Variants in AUTS2 observed in about 807,000 individuals in gnomAD.
AUTS2 encodes activator of transcription and developmental regulator AUTS2.
Under a neutral mutation model 112.4 loss-of-function variants are expected in AUTS2, and 17 were observed. The ratio of observed to expected loss-of-function variants is 0.15; its 90% CI spans 0.10 to 0.23. The LOEUF is 0.23. Among genes scored for constraint, AUTS2 ranks in the 10% least tolerant of loss-of-function variants. The pLI, the probability that AUTS2 is intolerant of heterozygous loss-of-function variation, is 1.00. For synonymous variants in AUTS2, 751 were observed against 702.7 expected (o/e 1.07, Z -1.09); for missense variants, 1,510 against 1,701.6 (o/e 0.89, Z 1.98).
At chr7:70,518,418 C>G (rs1363139372) in intron 5 of AUTS2, among the ~76,000 whole-genome samples, 1 of 152,082 alleles carries the variant, frequency 6.6e-6, no homozygotes, top group African/African-American at 2.4e-5. Flanking sequence ...TGCGGTGGCT[C>G]ATGCCTGTAA....
chr7:70,245,169 T>TATATATATATATATATATAA (rs1317610996), intron 4 of AUTS2, among the ~76,000 whole-genome samples: 1 of 118,624 alleles, frequency 8.4e-6, no homozygotes, highest in African/African-American at 3.3e-5. Flanking sequence ...TATATATATA[T>TATATATATATATATATATAA]AAAAAATAAA....
At chr7:70,512,689 T>C (rs138548091) in intron 5 of AUTS2, among the ~76,000 whole-genome samples, 3 of 152,142 alleles carry the variant, frequency 2.0e-5, no homozygotes, top group African/African-American at 7.2e-5. Context: ...AGCATGGAAA[T>C]TGGAATTCTT....
intron 6 of AUTS2, among the ~76,000 whole-genome samples, chr7:70,745,073 C>A (rs541053843): frequency 6.6e-5 from 10 of 151,936 alleles, no homozygotes; most frequent in Non-Finnish European, 1.3e-4. Context: ...TGACTCTTAC[C>A]CTCTGCATTT....
At chr7:70,450,871 G>A (rs1796503085) in intron 5 of AUTS2, among the ~76,000 whole-genome samples, 1 of 152,132 alleles carries the variant, frequency 6.6e-6, no homozygotes, top group African/African-American at 2.4e-5. Context: ...GTCAAGGGAG[G>A]AATCGTGGAT....
chr7:70,522,914 G>A (rs1041220277), intron 5 of AUTS2, among the ~76,000 whole-genome samples: 8 of 152,176 alleles, frequency 5.3e-5, no homozygotes, highest in Non-Finnish European at 1.5e-5. Flanking sequence ...TCATGTAATT[G>A]CCACAACTGA....
At chr7:70,600,659 C>T (rs932676708) in intron 5 of AUTS2, among the ~76,000 whole-genome samples, 2 of 152,134 alleles carry the variant, frequency 1.3e-5, no homozygotes, top group Admixed American at 6.5e-5. Context: ...TTTCATTATC[C>T]CCAAAAGAGA....
rs75342802 is a variant in AUTS2 at position 69,835,836 on chromosome 7, C to T, written c.310-63450C>T. On this transcript the variant is annotated intron_variant, in intron 1 of 18. Coordinates refer to ENST00000342771, the MANE Select transcript of AUTS2 (RefSeq NM_015570.4). ...AGTGTTGAATGCTATATACAACACCCCAGAGGTGAAGAAGATGTTTATCAA... is the reference window on the plus strand; with the variant it reads ...AGTGTTGAATGCTATATACAACACCTCAGAGGTGAAGAAGATGTTTATCAA... 2.9e-3 allele frequency among the ~76,000 whole-genome samples: 444 copies of T among 152,186 alleles called. 5 individuals carry two copies. Among genetic ancestry groups the T allele is most frequent in the African/African-American group, 0.01 (430 of 41,512 alleles).
Position 70,774,035 on chromosome 7 carries a change from A to T in AUTS2, c.1838A>T (p.Asn613Ile), listed in dbSNP as rs774435329. 6.2e-7 allele frequency: 1 copy of T among 1,614,032 alleles called. No homozygotes were observed. The highest frequency in any genetic ancestry group is 8.5e-7 in the Non-Finnish European group (1 of 1,179,972). ...GGTCTAATTAATTTGTAGACATCCA[A>T]CCCTATCGATGTCGCTGCTCGGCCT... ...LQGAFQPKTS[N>I]PIDVAARPGT... is the part of the protein sequence containing the mutation. The change falls in exon 12 of 19, where the codon AAC (asparagine) becomes ATC (isoleucine). Residue 613 changes from asparagine to isoleucine, a missense_variant. Physicochemically the swap from Asn to Ile is moderately radical, Grantham distance 149. This residue lies in a region of AUTS2 where 187 missense variants were observed against 309.7 expected (regional missense o/e 0.60). Transcript: ENST00000342771.
At chr7:70,584,896 C>G (rs1039136406) in intron 5 of AUTS2, among the ~76,000 whole-genome samples, 1 of 152,254 alleles carries the variant, frequency 6.6e-6, no homozygotes, top group Non-Finnish European at 1.5e-5. Flanking sequence ...TGGCCTCACC[C>G]AGCCAGGAGC....
chr7:70,323,933 C>G (rs1374101708), intron 4 of AUTS2, among the ~76,000 whole-genome samples: 1 of 152,168 alleles, frequency 6.6e-6, no homozygotes, highest in Non-Finnish European at 1.5e-5. Context: ...ACTCTGCCAC[C>G]ATTTCTAGCT....
intron 4 of AUTS2, among the ~76,000 whole-genome samples, chr7:70,327,875 G>A (rs915081146): frequency 3.9e-5 from 6 of 152,128 alleles, no homozygotes; most frequent in African/African-American, 1.4e-4. Flanking sequence ...CATCTTTCCA[G>A]CTTGAAGCAA....
rs1203893937 is a variant in AUTS2, at chr7:69,614,326, T to TTCTTTCTTTCTTTCTTTCTC, written c.309+14383_309+14384insCTCTTTCTTTCTTTCTTTCT. Among the ~76,000 whole-genome samples the TTCTTTCTTTCTTTCTTTCTC allele has an allele frequency of 1.9e-3, 124 of 64,978 alleles. 2 individuals are homozygous for TTCTTTCTTTCTTTCTTTCTC. The highest frequency in any genetic ancestry group is 5.8e-3 in the African/African-American group (112 of 19,244). The allele number at this position is 64,978 out of a possible 152,430, so 42.6% of individuals were successfully genotyped here. A position where few individuals can be genotyped will look rare whatever the true frequency, so the allele number is the denominator to read the frequency against. On this transcript the variant is annotated intron_variant, in intron 1 of 18. Coordinates refer to ENST00000342771, the MANE Select transcript of AUTS2 (RefSeq NM_015570.4). Reference sequence around the variant, plus strand: ...AGTCACTCTCCGTCTCTTTCTTTCTTTCTTTCTTTCTTTCTTTCTTTCTTT... The same window carrying TTCTTTCTTTCTTTCTTTCTC: ...AGTCACTCTCCGTCTCTTTCTTTCTTTCTTTCTTTCTTTCTTTCTCTCTTTCTTTCTTTCTTTCTTTCTTT...
chr7:70,523,130 G>A (rs1242341651), intron 5 of AUTS2, among the ~76,000 whole-genome samples: 1 of 152,168 alleles, frequency 6.6e-6, no homozygotes, highest in Non-Finnish European at 1.5e-5. Flanking sequence ...TTTTATGGCT[G>A]CTTCTGGTAG....
intron 5 of AUTS2, among the ~76,000 whole-genome samples, chr7:70,653,844 G>A (rs904543647): frequency 2.0e-5 from 3 of 152,180 alleles, no homozygotes; most frequent in Non-Finnish European, 2.9e-5. Flanking sequence ...AGTTGTAAGC[G>A]GGTTGAAGTG....
intron 2 of AUTS2, among the ~76,000 whole-genome samples, chr7:69,982,312 G>A (rs1256336877): frequency 6.6e-6 from 1 of 152,106 alleles, no homozygotes; most frequent in African/African-American, 2.4e-5. Context: ...TTCTCTCTCA[G>A]GGGACTGAAG....
chr7:70,089,749 C>T (rs988647115), intron 2 of AUTS2, among the ~76,000 whole-genome samples: 1 of 152,096 alleles, frequency 6.6e-6, no homozygotes, highest in Non-Finnish European at 1.5e-5. Context: ...TGTCTCACGC[C>T]TGTAATCCCA....
chr7:70,342,896 G>A (rs1032241027), intron 4 of AUTS2, among the ~76,000 whole-genome samples: 16 of 152,118 alleles, frequency 1.1e-4, no homozygotes, highest in Admixed American at 2.6e-4. Flanking sequence ...GTATTTCACC[G>A]TGGCAGTGTT....
At chr7:70,456,613 C>G (rs1158704344) in intron 5 of AUTS2, among the ~76,000 whole-genome samples, 1 of 152,230 alleles carries the variant, frequency 6.6e-6, no homozygotes, top group Admixed American at 6.5e-5. Context: ...CACTTCTCTG[C>G]TGAGGGCAGG....
At chr7:70,623,620 C>T (rs562668226) in intron 5 of AUTS2, among the ~76,000 whole-genome samples, 58 of 152,320 alleles carry the variant, frequency 3.8e-4, no homozygotes, top group South Asian at 1.0e-3. Context: ...GACAGTGGTG[C>T]TCTAGAGTCT....
Sources: allele counts gnomAD v4.1 joint callset (sites outside exome capture counted in the v4.1 genomes callset), GRCh38; gene constraint gnomAD v4.1.1; regional missense constraint gnomAD v4.1.1; transcripts MANE v1.5; gene names NCBI Gene and HGNC (gene_info 2026-07-23, HGNC 2026-07-21).